Variants in MON2 observed in about 807,000 individuals in gnomAD.
MON2 encodes the protein MON2 regulator of endosome-to-Golgi trafficking.
Under a neutral mutation model 208.6 loss-of-function variants are expected in MON2, and 84 were observed. The observed-to-expected ratio is 0.40, with a 90% CI of 0.34 to 0.48. MON2 has a LOEUF of 0.48. MON2 is among the 20% of genes least tolerant of loss of function. The pLI is 0.59. For synonymous variants in MON2, 660 were observed against 694.0 expected (o/e 0.95, Z 0.77); for missense variants, 1,611 against 2,015.4 (o/e 0.80, Z 3.84).
chr12:62,520,074 C>CA (rs2136165009), intron 8 of MON2, among the ~76,000 whole-genome samples: 1 of 152,354 alleles, frequency 6.6e-6, no homozygotes, highest in Admixed American at 6.5e-5. Flanking sequence ...CTCTGCCTCC[C>CA]AAAGTGTTGG....
At chr12:62,557,670 C>A (rs1174328872) in intron 25 of MON2, among the ~76,000 whole-genome samples, 1 of 151,964 alleles carries the variant, frequency 6.6e-6, no homozygotes, top group Non-Finnish European at 1.5e-5. Context: ...CATATTTACT[C>A]ATTCCATAAG....
chr12:62,559,257 A>G (rs2074109271), intron 25 of MON2, among the ~76,000 whole-genome samples: 2 of 152,198 alleles, frequency 1.3e-5, no homozygotes, highest in African/African-American at 4.8e-5. Flanking sequence ...CTTATGTTGT[A>G]CTGCTTTGGA....
intron 25 of MON2, chr12:62,560,015 G>A (rs1023046760): frequency 1.3e-5 from 2 of 152,662 alleles, no homozygotes; most frequent in African/African-American, 4.8e-5. Context: ...AAATGCTTTT[G>A]TTTCAACCTC....
At chr12:62,498,583 T>A (rs1240377764) in intron 4 of MON2, among the ~76,000 whole-genome samples, 1 of 152,224 alleles carries the variant, frequency 6.6e-6, no homozygotes, top group Non-Finnish European at 1.5e-5. Context: ...AGCAATCACA[T>A]AGCTTCTCCA....
At chr12:62,573,150 A>G (rs977163079) in intron 30 of MON2, among the ~76,000 whole-genome samples, 1 of 152,176 alleles carries the variant, frequency 6.6e-6, no homozygotes, top group African/African-American at 2.4e-5. Context: ...ATTGATACCA[A>G]TGTAAGCATA....
intron 1 of MON2, among the ~76,000 whole-genome samples, chr12:62,481,215 C>T (rs1335250010): frequency 2.6e-5 from 4 of 152,066 alleles, no homozygotes; most frequent in East Asian, 3.9e-4. Context: ...ATTGGAATCA[C>T]GTGAAGATTT....
chr12:62,513,371 G>A (rs4763173), intron 8 of MON2, among the ~76,000 whole-genome samples: 19,222 of 151,872 alleles, frequency 0.13, 1,346 homozygotes, highest in East Asian at 0.27. Context: ...GATTGCAGGT[G>A]TGAGCCCCCA....
intron 2 of MON2, among the ~76,000 whole-genome samples, chr12:62,486,290 A>G (rs1302126367): frequency 7.5e-6 from 1 of 133,982 alleles, no homozygotes; most frequent in African/African-American, 2.5e-5. Flanking sequence ...GATCACTGTT[A>G]TTCCAGCATT....
At chr12:62,514,936 A>T (rs2071612694) in intron 8 of MON2, among the ~76,000 whole-genome samples, 1 of 152,212 alleles carries the variant, frequency 6.6e-6, no homozygotes, top group Admixed American at 6.5e-5. Context: ...AATGAGGCTT[A>T]TGCCCATGAG....
rs996493970 is a variant in MON2, at chr12:62,491,477, T to C, written c.176-2438T>C. 2.6e-5 allele frequency among the ~76,000 whole-genome samples: 4 copies of C among 152,292 alleles called. No homozygotes were observed. The South Asian group carries it at 6.2e-4, about 24-fold the overall frequency. ...TATGAAAGTATATCTTCTTTTTTGTTTTTTATGAAAATGAGTTCATTTTCC... is the reference window on the plus strand; with the variant it reads ...TATGAAAGTATATCTTCTTTTTTGTCTTTTATGAAAATGAGTTCATTTTCC... On this transcript the variant is annotated intron_variant, in intron 2 of 34. Coordinates refer to ENST00000393630, the MANE Select transcript of MON2 (RefSeq NM_015026.3).
At chr12:62,538,886 G>T (rs769627851) in intron 19 of MON2, among the ~76,000 whole-genome samples, 4 of 151,948 alleles carry the variant, frequency 2.6e-5, no homozygotes, top group African/African-American at 4.8e-5. Context: ...AGTTTCCTTT[G>T]CTTTCATTGG....
chr12:62,545,808 A>C (rs2136277936), intron 21 of MON2: 1 of 152,346 alleles, frequency 6.6e-6, no homozygotes, highest in East Asian at 1.9e-4. Flanking sequence ...AACAAGACAG[A>C]AAAGATATTA....
chr12:62,596,116 A>G lies in MON2; in HGVS notation c.*3367A>G, dbSNP rs1285415263. The G allele has an allele frequency of 6.6e-6, 1 of 152,258 alleles. No individual in the cohort carries two copies. The highest frequency in any genetic ancestry group is 2.4e-5 in the African/African-American group (1 of 41,476). 9.4% of individuals were successfully genotyped at this position (152,258 alleles called of 1,614,324 possible). A position where few individuals can be genotyped will look rare whatever the true frequency, so the allele number is the denominator to read the frequency against. On this transcript the variant is annotated 3_prime_UTR_variant, in exon 35 of 35. Transcript: ENST00000393630. ...ACTAGTCCCAGGTAACCATTGGGCCAAAGGATCAGTTGAGAAACAGTTAAG... is the reference window on the plus strand; with the variant it reads ...ACTAGTCCCAGGTAACCATTGGGCCGAAGGATCAGTTGAGAAACAGTTAAG...
intron 1 of MON2, among the ~76,000 whole-genome samples, chr12:62,477,451 G>A (rs1384933232): frequency 1.3e-5 from 2 of 151,914 alleles, no homozygotes; most frequent in African/African-American, 4.8e-5. Context: ...GTTGAGACAG[G>A]GTCTTTCTCT....
In MON2 at chr12:62,533,825, T is replaced by C. The variant is rs1166176519; in HGVS notation, c.1634-1020T>C. ...CTCTGTACATTTCTAAAATGTCTGT[T>C]TCTCTATATTGAATTACCATGACAT... is the stretch of plus-strand genomic sequence containing the variant. On this transcript the variant is annotated intron_variant, in intron 12 of 34. Transcript: ENST00000393630. Among the ~76,000 whole-genome samples the C allele has an allele frequency of 2.0e-5, 3 of 152,112 alleles. No homozygotes were observed. The East Asian group carries it at 5.8e-4, about 29-fold the overall frequency.
chr12:62,535,038 T>C lies in MON2; in HGVS notation c.1715+112T>C, dbSNP rs117067946. On this transcript the variant is annotated intron_variant, in intron 13 of 34. Transcript: ENST00000393630. ...TATTTTCTAATATTAGTTTTTTATA[T>C]GTGTGAAACATTATTCTTTTTCCCT... 797 of 778,662 alleles carry C rather than the reference T, an allele frequency of 1.0e-3. 9 individuals carry two copies. In the East Asian group the frequency reaches 0.019, roughly 19 times the overall value. 48.2% of individuals were successfully genotyped at this position (778,662 alleles called of 1,614,324 possible). A position where few individuals can be genotyped will look rare whatever the true frequency, so the allele number is the denominator to read the frequency against.
intron 14 of MON2, 48 bp from the exon 15 acceptor site, chr12:62,537,103 C>A: frequency 8.9e-7 from 1 of 1,123,416 alleles, no homozygotes; most frequent in Non-Finnish European, 1.3e-6. Flanking sequence ...ACTTTAAATG[C>A]AATATAAAAA....
Position 62,526,093 on chromosome 12 carries a change from A to G in MON2, c.1391A>G (p.Lys464Arg). The change falls in exon 11 of 35, where the codon AAA becomes AGA. Residue 464 changes from lysine (K) to arginine (R), a missense_variant. By Grantham distance (26) the Lys-to-Arg change is conservative (BLOSUM62 2). Coordinates refer to ENST00000393630, the MANE Select transcript of MON2 (RefSeq NM_015026.3). ...ILTITVQGSAKATYLEMLDKV... is the reference protein window; with the variant it reads ...ILTITVQGSARATYLEMLDKV... Reference sequence around the variant, plus strand: ...ACAATCACAGTTCAAGGCAGTGCTAAAGCCACCTAGTAAGTAGTAGCAGCA... The same window carrying G: ...ACAATCACAGTTCAAGGCAGTGCTAGAGCCACCTAGTAAGTAGTAGCAGCA... 6.2e-7 allele frequency: 1 copy of G among 1,613,514 alleles called. No individual in the cohort carries two copies. Among genetic ancestry groups the G allele is most frequent in the Non-Finnish European group, 8.5e-7 (1 of 1,179,540 alleles).
At chr12:62,521,544 C>T (rs1394997407) in intron 8 of MON2, among the ~76,000 whole-genome samples, 1 of 152,172 alleles carries the variant, frequency 6.6e-6, no homozygotes, top group East Asian at 1.9e-4. Context: ...AGGGACCACA[C>T]TTTGGGAATG....
Sources: allele counts gnomAD v4.1 joint callset (sites outside exome capture counted in the v4.1 genomes callset), GRCh38; gene constraint gnomAD v4.1.1; transcripts MANE v1.5; gene names NCBI Gene and HGNC (gene_info 2026-07-23, HGNC 2026-07-21).